The following TRPV5 variants were observed in gnomAD, a reference collection of about 807,000 sequenced individuals.
The protein encoded by TRPV5 is transient receptor potential cation channel subfamily V member 5.
TRPV5 carries 66 observed loss-of-function variants against 74.1 expected under a neutral mutation model. The observed-to-expected ratio is 0.89, with a 90% confidence interval of 0.73 to 1.09. The LOEUF is 1.09. TRPV5 is among the 50% of genes least tolerant of loss of function. The probability of loss-of-function intolerance (pLI) is 0.00; values close to 1 mark genes in which losing one functional copy is unlikely to be tolerated. For synonymous variants in TRPV5, 399 were observed against 360.7 expected (o/e 1.11, Z -1.20); for missense variants, 936 against 930.4 (o/e 1.01, Z -0.08).
intron 13 of TRPV5, 71 bp from the exon 14 acceptor site, chr7:142,909,667 T>A: frequency 6.6e-7 from 1 of 1,521,684 alleles, no homozygotes; most frequent in Non-Finnish European, 8.9e-7. Context: ...CTGAGGCCAC[T>A]GATAAAGGGA....
At chr7:142,932,706 G>A (rs1207581688) in intron 1 of TRPV5, among the ~76,000 whole-genome samples, 1 of 152,200 alleles carries the variant, frequency 6.6e-6, no homozygotes, top group Non-Finnish European at 1.5e-5. Context: ...ACCTGCAGGT[G>A]TGCTAGCCCT....
intron 8 of TRPV5, among the ~76,000 whole-genome samples, chr7:142,922,768 T>C (rs754963042): frequency 1.3e-5 from 2 of 152,190 alleles, no homozygotes; most frequent in African/African-American, 2.4e-5. Flanking sequence ...ACTAGTACTA[T>C]AGTGCATGCT....
intron 4 of TRPV5, 93 bp from the exon 5 acceptor site, chr7:142,929,213 C>G (rs1796043060): frequency 1.2e-5 from 19 of 1,525,226 alleles, no homozygotes; most frequent in Non-Finnish European, 1.7e-5. Context: ...CCTCATCCCC[C>G]ATATCTCAGT....
At chr7:142,914,063 T>C (rs1452469686) in intron 12 of TRPV5, among the ~76,000 whole-genome samples, 1 of 152,200 alleles carries the variant, frequency 6.6e-6, no homozygotes, top group East Asian at 1.9e-4. Flanking sequence ...GTGTTCCTGT[T>C]CTCCCAGTCT....
At chr7:142,926,472 A>G (rs988179038) in intron 7 of TRPV5, among the ~76,000 whole-genome samples, 21 of 152,310 alleles carry the variant, frequency 1.4e-4, no homozygotes, top group African/African-American at 4.8e-4. Flanking sequence ...AACAGCATGA[A>G]TATCTTTTCT....
intron 7 of TRPV5, among the ~76,000 whole-genome samples, chr7:142,926,451 G>T (rs2116601400): frequency 6.6e-6 from 1 of 152,260 alleles, no homozygotes; most frequent in South Asian, 2.1e-4. Flanking sequence ...ACAGTAGAGT[G>T]ATTAGCCATT....
intron 6 of TRPV5, 132 bp from the exon 7 acceptor site, chr7:142,928,366 C>T: frequency 1.0e-6 from 1 of 999,320 alleles, no homozygotes; most frequent in Non-Finnish European, 1.5e-6. Context: ...ACCTCTGCAT[C>T]TACAAGCTTT....
Position 142,924,279 on chromosome 7 carries a change from TAC to T in TRPV5, c.1122+1248_1122+1249del, listed in dbSNP as rs1256507163. ...GTATATATATACATATATATATATA[TAC>T]ATATACATGTATATATATACATATA... On this transcript the variant is annotated intron_variant, in intron 8 of 14. Coordinates refer to ENST00000265310, the MANE Select transcript of TRPV5 (RefSeq NM_019841.7). Among the ~76,000 whole-genome samples the T allele has an allele frequency of 1.9e-3, 191 of 100,108 alleles. 5 individuals carry two copies. Among genetic ancestry groups the T allele is most frequent in the Admixed American group, 4.1e-3 (39 of 9,520 alleles). 65.7% of individuals were successfully genotyped at this position (100,108 alleles called of 152,430 possible). A position where few individuals can be genotyped will look rare whatever the true frequency, so the allele number is the denominator to read the frequency against.
At chr7:142,925,390 C>T (rs1286294924) in intron 8 of TRPV5, 139 bp downstream of exon 8, 2 of 800,992 alleles carry the variant, frequency 2.5e-6, no homozygotes, top group Non-Finnish European at 4.1e-6. Context: ...GGTCTCATGT[C>T]TAATTTCTAC....
At chr7:142,921,508 C>T (rs995976536) in intron 8 of TRPV5, among the ~76,000 whole-genome samples, 1 of 152,030 alleles carries the variant, frequency 6.6e-6, no homozygotes, top group African/African-American at 2.4e-5. Flanking sequence ...GTCTCAAACT[C>T]CTGACCTCGT....
intron 7 of TRPV5, 60 bp from the exon 8 acceptor site, chr7:142,925,801 A>G (rs1204544829): frequency 6.8e-7 from 1 of 1,470,680 alleles, no homozygotes; most frequent in Non-Finnish European, 9.4e-7. Flanking sequence ...TGTTTATCCC[A>G]CTGGGGGCCA....
chr7:142,925,698 C>T lies in TRPV5; in HGVS notation c.953G>A (p.Ser318Asn). ...LEQTPVKELV[S>N]FKWNKYGRPY... ...CCGGCCATACTTGTTCCACTTGAAGCTCACCAGCTCCTTCACTGGGGTCTG... is the reference window on the plus strand; with the variant it reads ...CCGGCCATACTTGTTCCACTTGAAGTTCACCAGCTCCTTCACTGGGGTCTG... Residue 318 changes from serine to asparagine, a missense_variant, in exon 8 of 15, where the codon AGC (serine) becomes AAC (asparagine). By Grantham distance (46) the Ser-to-Asn change is conservative (BLOSUM62 1). Coordinates refer to ENST00000265310, the MANE Select transcript of TRPV5 (RefSeq NM_019841.7). The T allele has an allele frequency of 6.2e-7, 1 of 1,614,152 alleles. No homozygotes were observed. Among genetic ancestry groups the T allele is most frequent in the South Asian group, 1.1e-5 (1 of 91,084 alleles).
In TRPV5 at chr7:142,909,482, T is replaced by G; in HGVS notation, c.1895+8A>C. 9 of 1,613,638 alleles carry G rather than the reference T, an allele frequency of 5.6e-6. No individual in the cohort carries two copies. The highest frequency in any genetic ancestry group is 7.6e-6 in the Non-Finnish European group (9 of 1,179,956). On this transcript the variant is annotated splice_region_variant and intron_variant, in intron 14 of 14. Transcript: ENST00000265310. ...TCTGCAGTTTTGCATGTGCACACCATCACTCACCGCAGGAACCAGCGGTCC... is the reference window on the plus strand; with the variant it reads ...TCTGCAGTTTTGCATGTGCACACCAGCACTCACCGCAGGAACCAGCGGTCC...
rs751193535 is a variant in TRPV5, at chr7:142,933,350, T to A, written c.110A>T (p.His37Leu). Residue 37 changes from histidine to leucine, a missense_variant, in exon 1 of 15, where the codon CAT becomes CTT. By Grantham distance (99) the His-to-Leu change is moderately conservative. Transcript: ENST00000265310. Reference sequence around the variant, plus strand: ...AGCCTACCTCTTCTGCTGCAGCATATGAAGCTTGTCCAGGTGCTGGTCCCA... The same window carrying A: ...AGCCTACCTCTTCTGCTGCAGCATAAGAAGCTTGTCCAGGTGCTGGTCCCA... ...QDWDQHLDKLHMLQQKRILES... is the reference protein window; with the variant it reads ...QDWDQHLDKLLMLQQKRILES... 1.2e-6 allele frequency: 2 copies of A among 1,613,810 alleles called. No individual in the cohort carries two copies. Among genetic ancestry groups the A allele is most frequent in the Non-Finnish European group, 1.7e-6 (2 of 1,180,020 alleles).
intron 8 of TRPV5, among the ~76,000 whole-genome samples, chr7:142,924,306 A>G (rs1554529781): frequency 3.0e-5 from 1 of 33,672 alleles, no homozygotes; most frequent in Non-Finnish European, 7.6e-5. Context: ...ATATACATAT[A>G]TATATACACA....
At chr7:142,915,614 A>ACAAAGGATTTG (rs756084848) in intron 8 of TRPV5, 46 bp from the exon 9 acceptor site, 62 of 1,593,932 alleles carry the variant, frequency 3.9e-5, no homozygotes, top group Admixed American at 6.7e-5. Flanking sequence ...GGGCAGAGTC[A>ACAAAGGATTTG]AATCCTTTTG....
chr7:142,916,115 T>G (rs1795793088), intron 8 of TRPV5, among the ~76,000 whole-genome samples: 1 of 152,246 alleles, frequency 6.6e-6, no homozygotes, highest in Non-Finnish European at 1.5e-5. Flanking sequence ...GAGGCTACAG[T>G]GCTTACCTCC....
intron 8 of TRPV5, among the ~76,000 whole-genome samples, chr7:142,921,371 T>C (rs1300478212): frequency 6.6e-6 from 1 of 152,132 alleles, no homozygotes; most frequent in Non-Finnish European, 1.5e-5. Context: ...AACCTCTGAC[T>C]CCCACGTTCA....
chr7:142,917,070 T>G (rs568673105), intron 8 of TRPV5, among the ~76,000 whole-genome samples: 13 of 150,352 alleles, frequency 8.6e-5, no homozygotes, highest in East Asian at 3.9e-4. Flanking sequence ...GTGTGTCTGG[T>G]TTTTTTTTGT....
Sources: allele counts gnomAD v4.1 joint callset (sites outside exome capture counted in the v4.1 genomes callset), GRCh38; gene constraint gnomAD v4.1.1; transcripts MANE v1.5; gene names NCBI Gene and HGNC (gene_info 2026-07-23, HGNC 2026-07-21).